Variants in STK35 observed in about 807,000 individuals in gnomAD.
STK35 encodes serine/threonine kinase 35.
A neutral mutation model predicts 37.3 loss-of-function variants in STK35; 17 were observed. The ratio of observed to expected loss-of-function variants is 0.46; its 90% CI spans 0.31 to 0.68. The LOEUF (loss-of-function observed/expected upper bound fraction) is 0.68, where lower values mean the gene tolerates loss of function less well. Among genes scored for constraint, STK35 ranks in the 30% least tolerant of loss-of-function variants. The pLI is 0.05. For missense variants in STK35, 595 were observed against 746.7 expected (o/e 0.80, Z 2.37); for synonymous variants, 385 against 319.1 (o/e 1.21, Z -2.20).
intron 2 of STK35, among the ~76,000 whole-genome samples, chr20:2,115,143 T>TA (rs1382950066): frequency 1.3e-5 from 2 of 152,196 alleles, no homozygotes; most frequent in African/African-American, 4.8e-5. Context: ...ATTATATAAT[T>TA]ACAAGGGAAG....
intron 3 of STK35, among the ~76,000 whole-genome samples, chr20:2,118,474 C>CT (rs893053171): frequency 2.6e-5 from 4 of 151,952 alleles, no homozygotes; most frequent in Non-Finnish European, 5.9e-5. Context: ...CCCAGCTACT[C>CT]GGGAGGCTGA....
intron 2 of STK35, among the ~76,000 whole-genome samples, chr20:2,108,133 A>G (rs899443329): frequency 1.5e-4 from 23 of 152,202 alleles, no homozygotes; most frequent in African/African-American, 5.1e-4. Context: ...GCTGTGGGGT[A>G]CTGCTGGGAC....
At chr20:2,137,230 C>T (rs1325578251) in intron 3 of STK35, among the ~76,000 whole-genome samples, 1 of 152,184 alleles carries the variant, frequency 6.6e-6, no homozygotes, top group African/African-American at 2.4e-5. Flanking sequence ...TCTTTGTACC[C>T]GGCAAAGTAG....
intron 2 of STK35, among the ~76,000 whole-genome samples, chr20:2,109,445 A>G (rs923865779): frequency 3.9e-5 from 6 of 152,222 alleles, no homozygotes; most frequent in African/African-American, 9.6e-5. Context: ...TAGTATTTTC[A>G]TACTCCTTTT....
At chr20:2,136,342 C>T (rs1986086943) in intron 3 of STK35, among the ~76,000 whole-genome samples, 1 of 152,306 alleles carries the variant, frequency 6.6e-6, no homozygotes, top group African/African-American at 2.4e-5. Flanking sequence ...TCCCTGCATG[C>T]CTCATTTCTC....
At chr20:2,123,357 C>A (rs1280632553) in intron 3 of STK35, among the ~76,000 whole-genome samples, 1 of 152,154 alleles carries the variant, frequency 6.6e-6, no homozygotes, top group East Asian at 1.9e-4. Flanking sequence ...TTATCCCTGG[C>A]CTGGGGTCCA....
At chr20:2,133,007 T>C (rs546616408) in intron 3 of STK35, among the ~76,000 whole-genome samples, 39 of 152,366 alleles carry the variant, frequency 2.6e-4, no homozygotes, top group Middle Eastern at 3.4e-3. Flanking sequence ...CAAATCCTTA[T>C]AGGCTAATCA....
chr20:2,122,338 A>C (rs6137051), intron 3 of STK35, among the ~76,000 whole-genome samples: 15,724 of 152,264 alleles, frequency 0.1, 2,713 homozygotes, highest in East Asian at 0.81. Context: ...TCTCAAAAAA[A>C]CAAAAAAACT....
At chr20:2,106,587 A>G (rs941448022) in intron 2 of STK35, among the ~76,000 whole-genome samples, 1 of 152,256 alleles carries the variant, frequency 6.6e-6, no homozygotes, top group Non-Finnish European at 1.5e-5. Flanking sequence ...ATTAAGAGGA[A>G]AGAGAATCAG....
At chr20:2,123,068 G>A (rs901430650) in intron 3 of STK35, among the ~76,000 whole-genome samples, 4 of 152,150 alleles carry the variant, frequency 2.6e-5, no homozygotes, top group East Asian at 1.9e-4. Flanking sequence ...CTCCGCCCAC[G>A]TGTTACCAGG....
chr20:2,123,020 C>T (rs926905674), intron 3 of STK35, among the ~76,000 whole-genome samples: 4 of 152,170 alleles, frequency 2.6e-5, no homozygotes, highest in Admixed American at 6.5e-5. Flanking sequence ...AGCCTTTTAT[C>T]CCATGCAGGA....
In STK35 at chr20:2,146,958, A is replaced by AT. The variant is rs1361925612; in HGVS notation, c.*3214dup. 1.3e-5 allele frequency: 2 copies of AT among 152,576 alleles called. No individual in the cohort carries two copies. Among genetic ancestry groups the AT allele is most frequent in the Admixed American group, 1.3e-4 (2 of 15,278 alleles). The allele number at this position is 152,576 out of a possible 1,614,324, so 9.5% of individuals were successfully genotyped here. On this transcript the variant is annotated 3_prime_UTR_variant, in exon 4 of 4. Transcript: ENST00000381482. ...CTTAGCCTCGTCTCGTCCCAGAGGC[A>AT]TTGGATCAGGAGAATGGGAATTTTT... is the stretch of plus-strand genomic sequence containing the variant.
At chr20:2,108,686 A>T (rs1985562662) in intron 2 of STK35, among the ~76,000 whole-genome samples, 1 of 152,124 alleles carries the variant, frequency 6.6e-6, no homozygotes, top group African/African-American at 2.4e-5. Context: ...CTTGCTCCTG[A>T]CCGACTACTT....
chr20:2,139,379 GTGCACAGGCACGTAAGCCT>G (rs1412624224), intron 3 of STK35, among the ~76,000 whole-genome samples: 1 of 152,208 alleles, frequency 6.6e-6, no homozygotes, highest in South Asian at 2.1e-4. Flanking sequence ...CACTAGACCT[GTGCACAGGCACGTAAGCCT>G]TCCATGAGCC....
At chr20:2,107,419 G>A (rs1187931748) in intron 2 of STK35, among the ~76,000 whole-genome samples, 1 of 152,200 alleles carries the variant, frequency 6.6e-6, no homozygotes, top group Non-Finnish European at 1.5e-5. Flanking sequence ...AGGTGGCTGG[G>A]AACCGAGGCC....
intron 2 of STK35, 143 bp downstream of exon 2, chr20:2,103,508 G>A (rs1985450567): frequency 1.3e-6 from 1 of 763,604 alleles, no homozygotes; most frequent in East Asian, 2.9e-5. Context: ...TCCTTTCCTG[G>A]GCCCAGGCAT....
intron 2 of STK35, among the ~76,000 whole-genome samples, chr20:2,107,173 C>CA (rs1411346129): frequency 6.6e-6 from 1 of 152,232 alleles, no homozygotes; most frequent in Admixed American, 6.5e-5. Flanking sequence ...GCCACTTAGA[C>CA]AGCAGGCAAG....
intron 2 of STK35, among the ~76,000 whole-genome samples, chr20:2,109,462 T>G (rs529836954): frequency 2.5e-4 from 38 of 152,260 alleles, no homozygotes; most frequent in Non-Finnish European, 5.0e-4. Flanking sequence ...TTTTCTCATT[T>G]AATCATCACC....
At chr20:2,133,093 C>G (rs942246889) in intron 3 of STK35, among the ~76,000 whole-genome samples, 3 of 152,230 alleles carry the variant, frequency 2.0e-5, no homozygotes, top group Admixed American at 6.5e-5. Context: ...AACCCCTTAG[C>G]AATTGCCTCC....
Sources: allele counts gnomAD v4.1 joint callset (sites outside exome capture counted in the v4.1 genomes callset), GRCh38; gene constraint gnomAD v4.1.1; transcripts MANE v1.5; gene names NCBI Gene and HGNC (gene_info 2026-07-23, HGNC 2026-07-21).